Variants in GABRA5 observed in about 807,000 individuals in gnomAD.
GABRA5 encodes gamma-aminobutyric acid type A receptor subunit alpha5.
A neutral mutation model predicts 47.3 loss-of-function variants in GABRA5; 18 were observed. The observed-to-expected ratio is 0.38, with a 90% confidence interval of 0.26 to 0.56. The LOEUF (loss-of-function observed/expected upper bound fraction) is 0.56, where lower values mean the gene tolerates loss of function less well. Ranked by LOEUF, GABRA5 falls within the 20% of genes least tolerant of loss-of-function variation. GABRA5 has a pLI of 0.71. For missense variants in GABRA5, 365 were observed against 599.3 expected, an observed-to-expected ratio of 0.61 and a Z score of 4.08; for synonymous variants, 237 against 229.3, an observed-to-expected ratio of 1.03 and a Z score of -0.30.
At position 26,883,818 on chromosome 15, in the gene GABRA5, T is replaced by C. The variant is rs1189497869; in HGVS notation, c.497+261T>C. Among the ~76,000 whole-genome samples, 2 of 152,130 alleles carry C rather than the reference T, an allele frequency of 1.3e-5. No individual in the cohort carries two copies. Among genetic ancestry groups the C allele is most frequent in the African/African-American group, 2.4e-5 (1 of 41,438 alleles). On this transcript the variant is annotated intron_variant, in intron 6 of 10. Transcript: ENST00000335625. This position sits in a 1 kb window ranked among gnomAD's most constrained non-coding sequence, Gnocchi z 4.8. ...AAGCTCAAGAGCATCTTTGGAACCA[T>C]GGCCCATATAATGTCGGATAGGGAA... is the stretch of plus-strand genomic sequence containing the variant.
intron 6 of GABRA5, among the ~76,000 whole-genome samples, chr15:26,912,235 A>G (rs978123767): frequency 6.6e-6 from 1 of 152,200 alleles, no homozygotes; most frequent in Non-Finnish European, 1.5e-5. Flanking sequence ...ACAGCTTTGT[A>G]TATACTTCCT....
intron 6 of GABRA5, among the ~76,000 whole-genome samples, chr15:26,906,381 C>T: frequency 6.6e-6 from 1 of 152,174 alleles, no homozygotes; most frequent in East Asian, 1.9e-4. Context: ...AGTGCCTAGC[C>T]AGATAGTTTA....
intron 8 of GABRA5, 140 bp downstream of exon 8, chr15:26,937,468 C>T (rs2140581792): frequency 1.1e-6 from 1 of 873,994 alleles, no homozygotes. Flanking sequence ...TCCTGGCCAG[C>T]TGTGCTCTCC....
intron 7 of GABRA5, among the ~76,000 whole-genome samples, chr15:26,925,568 G>A (rs1300359235): frequency 6.6e-6 from 1 of 151,960 alleles, no homozygotes; most frequent in Non-Finnish European, 1.5e-5. Flanking sequence ...ATTCTCTTTT[G>A]TATTCTTAAG....
rs549567924 is a variant in GABRA5, at chr15:26,939,041, C to T, written c.725-884C>T. On this transcript the variant is annotated intron_variant, in intron 8 of 10. Transcript: ENST00000335625. ...GAGCCCCCAAAGCCTGTTCTCCCCA[C>T]GTTCACAGTGCATCCCAGCTCTCTG... Among the ~76,000 whole-genome samples the T allele has an allele frequency of 2.5e-4, 38 of 152,328 alleles. No individual in the cohort carries two copies. In the South Asian group the frequency reaches 4.8e-3, roughly 19 times the overall value.
intron 7 of GABRA5, among the ~76,000 whole-genome samples, chr15:26,917,921 T>C (rs989159436): frequency 6.6e-6 from 1 of 152,106 alleles, no homozygotes; most frequent in Non-Finnish European, 1.5e-5. Flanking sequence ...CTTTTATTTC[T>C]AATTTATTTG....
Position 26,948,393 on chromosome 15 carries a change from A to C in GABRA5, c.*160A>C. 1 of 659,590 alleles carries C rather than the reference A, an allele frequency of 1.5e-6. No individual in the cohort carries two copies. Among genetic ancestry groups the C allele is most frequent in the South Asian group, 2.1e-5 (1 of 47,010 alleles). 40.9% of individuals were successfully genotyped at this position (659,590 alleles called of 1,614,324 possible). A position where few individuals can be genotyped will look rare whatever the true frequency, so the allele number is the denominator to read the frequency against. On this transcript the variant is annotated 3_prime_UTR_variant, in exon 11 of 11. Transcript: ENST00000335625. ...AATAATATTGCCTTGATGTTTCTATATGTAACTTCAGATGTTTCCAAGATG... is the reference window on the plus strand; with the variant it reads ...AATAATATTGCCTTGATGTTTCTATCTGTAACTTCAGATGTTTCCAAGATG...
intron 9 of GABRA5, among the ~76,000 whole-genome samples, chr15:26,940,418 G>T (rs539850380): frequency 2.0e-5 from 3 of 152,180 alleles, no homozygotes. Flanking sequence ...GGGACCGGAA[G>T]TGTTTCAGAT....
intron 6 of GABRA5, among the ~76,000 whole-genome samples, chr15:26,888,859 A>C (rs2140263594): frequency 6.6e-6 from 1 of 152,310 alleles, no homozygotes; most frequent in South Asian, 2.1e-4. Flanking sequence ...CAGGAGAGCA[A>C]GTCCCCCCGG....
At chr15:26,895,983 C>G (rs1461658407) in intron 6 of GABRA5, among the ~76,000 whole-genome samples, 1 of 152,036 alleles carries the variant, frequency 6.6e-6, no homozygotes, top group Non-Finnish European at 1.5e-5. Flanking sequence ...GCACAGTGGT[C>G]CGGATCCCCT....
chr15:26,940,733 T>C (rs1250193598), intron 9 of GABRA5, among the ~76,000 whole-genome samples: 5 of 152,198 alleles, frequency 3.3e-5, no homozygotes, highest in Non-Finnish European at 5.9e-5. Flanking sequence ...ATTAAATATA[T>C]ATACCTGGTA....
intron 6 of GABRA5, among the ~76,000 whole-genome samples, chr15:26,895,594 C>T (rs1384387612): frequency 3.3e-5 from 5 of 151,704 alleles, no homozygotes; most frequent in Admixed American, 1.3e-4. Flanking sequence ...TGGCGGATCA[C>T]GAGGTCAGGA....
Position 26,914,858 on chromosome 15 carries a change from C to G in GABRA5, c.553C>G (p.His185Asp). ...MQLEDFPMDA[H>D]ACPLKFGSYA... The stretch of plus-strand genomic sequence containing the variant: ...GCTTGAGGACTTCCCGATGGATGCG[C>G]ACGCTTGCCCTCTGAAATTTGGCAG... The change falls in exon 7 of 11, where the codon CAC becomes GAC. Residue 185 changes from histidine to aspartate, a missense_variant. This residue lies in a region of GABRA5 where 216 missense variants were observed against 335.3 expected (regional missense o/e 0.64). Coordinates refer to ENST00000335625, the MANE Select transcript of GABRA5 (RefSeq NM_000810.4). 1 of 1,614,012 alleles carries G rather than the reference C, an allele frequency of 6.2e-7. No homozygotes were observed. Among genetic ancestry groups the G allele is most frequent in the Non-Finnish European group, 8.5e-7 (1 of 1,179,898 alleles).
At chr15:26,936,107 G>A (rs1894235747) in intron 7 of GABRA5, among the ~76,000 whole-genome samples, 1 of 152,108 alleles carries the variant, frequency 6.6e-6, no homozygotes, top group African/African-American at 2.4e-5. Flanking sequence ...CATTTCCCCT[G>A]CTCGCACTCA....
chr15:26,913,720 A>G (rs1893653481), intron 6 of GABRA5, among the ~76,000 whole-genome samples: 1 of 152,174 alleles, frequency 6.6e-6, no homozygotes, highest in East Asian at 1.9e-4. Flanking sequence ...AGATGGGCTC[A>G]TTAATAAAAT....
intron 6 of GABRA5, among the ~76,000 whole-genome samples, chr15:26,899,984 T>C (rs1893288229): frequency 6.6e-6 from 1 of 152,170 alleles, no homozygotes; most frequent in Non-Finnish European, 1.5e-5. Context: ...ATTTCTTCTT[T>C]TGTGTTTAAT....
At chr15:26,886,307 A>G (rs1436044627) in intron 6 of GABRA5, among the ~76,000 whole-genome samples, 1 of 152,250 alleles carries the variant, frequency 6.6e-6, no homozygotes, top group Non-Finnish European at 1.5e-5. Flanking sequence ...GGCGTGAGCC[A>G]CTGTGCCCAG....
At chr15:26,932,871 CACTT>C (rs1160776201) in intron 7 of GABRA5, among the ~76,000 whole-genome samples, 1 of 152,160 alleles carries the variant, frequency 6.6e-6, no homozygotes, top group Non-Finnish European at 1.5e-5. Context: ...TGCATGTTCT[CACTT>C]ACAAGTGGGA....
rs890051330 is a variant in GABRA5 at position 26,867,758 on chromosome 15, G to A, written c.-140+647G>A. On this transcript the variant is annotated intron_variant, in intron 1 of 10. Transcript: ENST00000335625. The surrounding 1 kb of genome is among the most constrained non-coding windows in gnomAD (Gnocchi z 5.9). The stretch of plus-strand genomic sequence containing the variant: ...CGTCAGCCCCGGGGCTCTGAGGCGC[G>A]CGGCGTCCCGGCGCTGCTCGCGGGG... The A allele has an allele frequency of 1.3e-5, 2 of 152,006 alleles. No homozygotes were observed. Among genetic ancestry groups the A allele is most frequent in the African/African-American group, 4.8e-5 (2 of 41,422 alleles). 9.4% of individuals were successfully genotyped at this position (152,006 alleles called of 1,614,324 possible).
Sources: gnomAD v4.1 joint callset for allele counts (sites outside exome capture counted in the v4.1 genomes callset) on GRCh38, gnomAD v4.1.1 for gene constraint, gnomAD v4.1.1 regional missense constraint, Gnocchi (gnomAD v3.1) non-coding constraint, MANE v1.5 for transcripts, NCBI Gene and HGNC (gene_info 2026-07-23, HGNC 2026-07-21) for gene names.